WWOX: variants seen among roughly 807,000 people sequenced by gnomAD.
WWOX encodes the protein WW domain containing oxidoreductase, also known as WW domain-containing oxidoreductase.
WWOX carries 69 observed loss-of-function variants against 46.2 expected under a neutral mutation model. The ratio of observed to expected loss-of-function variants is 1.49; its 90% CI spans 1.23 to 1.82. The LOEUF is 1.82. WWOX is among the 40% of genes most tolerant of loss of function. The pLI, the probability that WWOX is intolerant of heterozygous loss-of-function variation, is 0.00. For missense variants in WWOX, 919 were observed against 542.6 expected (o/e 1.69, Z -6.89); for synonymous variants, 359 against 202.6 (o/e 1.77, Z -6.56).
At chr16:79,079,165 C>T (rs1339168139) in intron 8 of WWOX, among the ~76,000 whole-genome samples, 2 of 152,170 alleles carry the variant, frequency 1.3e-5, no homozygotes, top group African/African-American at 2.4e-5. Flanking sequence ...TTTAGGGACA[C>T]GGGCTCCTTC....
At chr16:78,839,213 A>AC (rs2151166615) in intron 8 of WWOX, among the ~76,000 whole-genome samples, 1 of 152,304 alleles carries the variant, frequency 6.6e-6, no homozygotes, top group East Asian at 1.9e-4. Flanking sequence ...CCACGAGCCC[A>AC]CCACCCAGAG....
chr16:78,396,756 C>A (rs1050338881), intron 6 of WWOX, among the ~76,000 whole-genome samples: 2 of 152,216 alleles, frequency 1.3e-5, no homozygotes, highest in African/African-American at 4.8e-5. Context: ...ACAGTCTCTG[C>A]GGCAACCATT....
chr16:78,418,665 C>A (rs2082855431), intron 6 of WWOX, among the ~76,000 whole-genome samples: 1 of 152,124 alleles, frequency 6.6e-6, no homozygotes, highest in South Asian at 2.1e-4. Context: ...AAAAATCAGT[C>A]AATATAATAT....
intron 8 of WWOX, among the ~76,000 whole-genome samples, chr16:78,779,470 C>T (rs969207436): frequency 2.0e-5 from 3 of 152,136 alleles, no homozygotes; most frequent in Non-Finnish European, 2.9e-5. Flanking sequence ...GGTATTAAGG[C>T]TCAGAAAAGA....
intron 8 of WWOX, among the ~76,000 whole-genome samples, chr16:78,824,573 T>C (rs1327199427): frequency 6.6e-6 from 1 of 151,786 alleles, no homozygotes; most frequent in Non-Finnish European, 1.5e-5. Context: ...GGACTTACAG[T>C]TCCGCACGGC....
chr16:78,883,828 C>G (rs1176892866), intron 8 of WWOX, among the ~76,000 whole-genome samples: 2 of 151,962 alleles, frequency 1.3e-5, no homozygotes, highest in Non-Finnish European at 2.9e-5. Context: ...ACTCTGTGTA[C>G]TCTGTTTGTA....
chr16:78,772,422 T>A (rs1856848985), intron 8 of WWOX, among the ~76,000 whole-genome samples: 1 of 152,224 alleles, frequency 6.6e-6, no homozygotes, highest in South Asian at 2.1e-4. Context: ...TTCACTACTT[T>A]TTTTTTAATC....
chr16:78,767,839 G>A lies in WWOX; in HGVS notation c.1056+335087G>A, dbSNP rs191569355. Among the ~76,000 whole-genome samples the A allele has an allele frequency of 1.8e-3, 274 of 152,198 alleles. 1 individual carries two copies. The highest frequency in any genetic ancestry group is 6.1e-3 in the African/African-American group (253 of 41,528). ...GCGTACTTTCACGTGCCTACTGGCC[G>A]TTTGTGTATCTTCTTTGGAGAAAGT... On this transcript the variant is annotated intron_variant, in intron 8 of 8. Transcript: ENST00000566780.
intron 8 of WWOX, among the ~76,000 whole-genome samples, chr16:79,209,669 A>C (rs1205211039): frequency 6.6e-6 from 1 of 152,194 alleles, no homozygotes; most frequent in African/African-American, 2.4e-5. Context: ...CACCATCTCC[A>C]CCAGAACTCT....
At chr16:78,445,690 A>G (rs896526299) in intron 8 of WWOX, among the ~76,000 whole-genome samples, 2 of 152,220 alleles carry the variant, frequency 1.3e-5, no homozygotes, top group Non-Finnish European at 2.9e-5. Flanking sequence ...CAGCCTAGCT[A>G]ACACGGTGAA....
At chr16:78,584,129 G>C (rs1057417224) in intron 8 of WWOX, among the ~76,000 whole-genome samples, 9 of 152,218 alleles carry the variant, frequency 5.9e-5, no homozygotes, top group Non-Finnish European at 1.3e-4. Context: ...AGATCCATGA[G>C]ATCTAGGACC....
chr16:78,578,439 A>G (rs867551294), intron 8 of WWOX, among the ~76,000 whole-genome samples: 11 of 150,336 alleles, frequency 7.3e-5, no homozygotes, highest in East Asian at 2.0e-4. Flanking sequence ...ATAGGCGCCC[A>G]CCACCATGCC....
intron 8 of WWOX, among the ~76,000 whole-genome samples, chr16:78,805,054 C>G (rs2050993264): frequency 6.6e-6 from 1 of 152,158 alleles, no homozygotes; most frequent in African/African-American, 2.4e-5. Flanking sequence ...TGCAACCCAT[C>G]TTAAAAATAA....
chr16:79,049,792 C>T (rs1351348097), intron 8 of WWOX, among the ~76,000 whole-genome samples: 1 of 150,526 alleles, frequency 6.6e-6, no homozygotes, highest in African/African-American at 2.5e-5. Flanking sequence ...CTGAGATCAT[C>T]CCACCGCACA....
intron 8 of WWOX, among the ~76,000 whole-genome samples, chr16:78,662,798 T>G (rs2047248308): frequency 6.6e-6 from 1 of 152,102 alleles, no homozygotes; most frequent in Non-Finnish European, 1.5e-5. Context: ...TTTTGGTGGT[T>G]CCTGGGCTCT....
At chr16:79,073,576 A>G (rs1030996042) in intron 8 of WWOX, among the ~76,000 whole-genome samples, 1 of 152,170 alleles carries the variant, frequency 6.6e-6, no homozygotes, top group Non-Finnish European at 1.5e-5. Flanking sequence ...TTTTAAGATC[A>G]GTGTTGCAGA....
intron 8 of WWOX, among the ~76,000 whole-genome samples, chr16:78,479,778 T>C (rs2084443480): frequency 6.6e-6 from 1 of 152,156 alleles, no homozygotes; most frequent in Non-Finnish European, 1.5e-5. Context: ...GCAGGATTCA[T>C]GGAGTTTTCC....
At chr16:79,047,552 T>A (rs2048088526) in intron 8 of WWOX, among the ~76,000 whole-genome samples, 1 of 152,272 alleles carries the variant, frequency 6.6e-6, no homozygotes, top group Non-Finnish European at 1.5e-5. Context: ...ACCATGTGTA[T>A]CAGTGTCCTG....
intron 8 of WWOX, among the ~76,000 whole-genome samples, chr16:79,058,954 C>T (rs1484226280): frequency 6.6e-6 from 1 of 152,190 alleles, no homozygotes; most frequent in Non-Finnish European, 1.5e-5. Context: ...AAAGGTAACA[C>T]ATAGCACCTT....
Sources: gnomAD v4.1 joint callset for allele counts (sites outside exome capture counted in the v4.1 genomes callset) on GRCh38, gnomAD v4.1.1 for gene constraint, MANE v1.5 for transcripts, NCBI Gene and HGNC (gene_info 2026-07-23, HGNC 2026-07-21) for gene names.